Variants in OPCML observed in about 807,000 individuals in gnomAD.
The protein encoded by OPCML is opioid binding protein/cell adhesion molecule like, also known as opioid-binding protein/cell adhesion molecule.
OPCML carries 13 observed loss-of-function variants against 37.8 expected under a neutral mutation model. The observed-to-expected ratio is 0.34, with a 90% CI of 0.22 to 0.55. The LOEUF is 0.55. Ranked by LOEUF, OPCML falls within the 20% of genes least tolerant of loss-of-function variation. OPCML has a pLI of 0.91. For synonymous variants in OPCML, 176 were observed against 168.8 expected, an observed-to-expected ratio of 1.04 and a Z score of -0.33; for missense variants, 341 against 435.6, an observed-to-expected ratio of 0.78 and a Z score of 1.93.
At chr11:132,721,052 A>G (rs1482959279) in intron 2 of OPCML, among the ~76,000 whole-genome samples, 1 of 152,190 alleles carries the variant, frequency 6.6e-6, no homozygotes, top group Non-Finnish European at 1.5e-5. Flanking sequence ...TTCTCTTGAC[A>G]TTATCTCACA....
chr11:133,294,475 A>G (rs1164504972), intron 1 of OPCML, among the ~76,000 whole-genome samples: 1 of 152,134 alleles, frequency 6.6e-6, no homozygotes, highest in African/African-American at 2.4e-5. Context: ...CATAGGGTTA[A>G]AGGTCTCTTC....
chr11:133,486,558 C>T (rs570093675), intron 1 of OPCML, among the ~76,000 whole-genome samples: 250 of 152,230 alleles, frequency 1.6e-3, no homozygotes, highest in African/African-American at 5.8e-3. Context: ...TTCCTTTCCT[C>T]GACATCTATG....
intron 1 of OPCML, among the ~76,000 whole-genome samples, chr11:133,447,783 T>C (rs975953433): frequency 6.6e-6 from 1 of 152,246 alleles, no homozygotes; most frequent in Non-Finnish European, 1.5e-5. Flanking sequence ...GAGGGGCTCT[T>C]AGGTTGACTT....
chr11:133,182,542 C>T (rs1937883206), intron 1 of OPCML, among the ~76,000 whole-genome samples: 1 of 152,188 alleles, frequency 6.6e-6, no homozygotes, highest in Non-Finnish European at 1.5e-5. Context: ...GGATGCTCCA[C>T]TTAGAAGAAT....
chr11:133,291,676 C>T (rs151116520), intron 1 of OPCML, among the ~76,000 whole-genome samples: 9 of 152,216 alleles, frequency 5.9e-5, no homozygotes, highest in Non-Finnish European at 1.2e-4. Context: ...GGCTTATAGC[C>T]CTGGGGGAAG....
At chr11:133,249,014 G>A (rs955411586) in intron 1 of OPCML, among the ~76,000 whole-genome samples, 9 of 152,146 alleles carry the variant, frequency 5.9e-5, no homozygotes, top group Non-Finnish European at 1.0e-4. Flanking sequence ...AGCTGTTGCC[G>A]GTATAAAACC....
At chr11:133,199,676 T>C (rs1452142851) in intron 1 of OPCML, among the ~76,000 whole-genome samples, 3 of 152,198 alleles carry the variant, frequency 2.0e-5, no homozygotes, top group African/African-American at 7.2e-5. Flanking sequence ...GAATTATAGA[T>C]GTGATGACTA....
chr11:133,278,372 G>A (rs1452191902), intron 1 of OPCML, among the ~76,000 whole-genome samples: 1 of 152,050 alleles, frequency 6.6e-6, no homozygotes, highest in Non-Finnish European at 1.5e-5. Flanking sequence ...AAAAGCTTAA[G>A]GTTCTTTATA....
At chr11:132,661,744 A>G (rs1941985590) in intron 2 of OPCML, among the ~76,000 whole-genome samples, 1 of 152,234 alleles carries the variant, frequency 6.6e-6, no homozygotes, top group Non-Finnish European at 1.5e-5. Context: ...CAACTACATC[A>G]CAAGTAACCT....
intron 3 of OPCML, among the ~76,000 whole-genome samples, chr11:132,620,677 G>A (rs937296004): frequency 1.2e-4 from 19 of 152,178 alleles, no homozygotes; most frequent in African/African-American, 4.6e-4. Flanking sequence ...TAGAGAGAGT[G>A]TATGCCTTGG....
intron 2 of OPCML, among the ~76,000 whole-genome samples, chr11:132,793,153 G>T (rs963838108): frequency 2.0e-5 from 3 of 152,148 alleles, no homozygotes; most frequent in Admixed American, 2.0e-4. Context: ...AAGGGGGACC[G>T]ATGGGGATCT....
chr11:132,790,590 C>CA (rs1401355529), intron 2 of OPCML, among the ~76,000 whole-genome samples: 1 of 152,214 alleles, frequency 6.6e-6, no homozygotes, highest in East Asian at 1.9e-4. Context: ...AGTGACTGAG[C>CA]AGCGAGTGAT....
At chr11:132,555,338 G>A (rs1363657621) in intron 3 of OPCML, among the ~76,000 whole-genome samples, 1 of 152,092 alleles carries the variant, frequency 6.6e-6, no homozygotes, top group Admixed American at 6.5e-5. Flanking sequence ...CAGCAGGTGA[G>A]AGAGAATGAG....
chr11:132,458,438 G>T (rs1204253416), intron 4 of OPCML, among the ~76,000 whole-genome samples: 1 of 152,166 alleles, frequency 6.6e-6, no homozygotes, highest in African/African-American at 2.4e-5. Flanking sequence ...TTTTCAGCCT[G>T]TCTTGCATGA....
intron 1 of OPCML, among the ~76,000 whole-genome samples, chr11:133,046,492 T>G (rs982267355): frequency 1.3e-5 from 2 of 152,208 alleles, no homozygotes; most frequent in Non-Finnish European, 2.9e-5. Context: ...CCTTGTCCTC[T>G]GCTGATAGAC....
chr11:132,938,201 A>T (rs1945456773), intron 2 of OPCML, among the ~76,000 whole-genome samples: 1 of 152,154 alleles, frequency 6.6e-6, no homozygotes, highest in African/African-American at 2.4e-5. Context: ...AATCTTTAGT[A>T]TCCACCACAG....
intron 4 of OPCML, among the ~76,000 whole-genome samples, chr11:132,459,951 C>T (rs2096095383): frequency 6.6e-6 from 1 of 152,138 alleles, no homozygotes; most frequent in Non-Finnish European, 1.5e-5. Context: ...AAGAAAAGAT[C>T]TGCTAGATAC....
At chr11:133,418,497 T>C in intron 1 of OPCML, 1 of 984,346 alleles carries the variant, frequency 1.0e-6, no homozygotes, top group Non-Finnish European at 1.2e-6. Context: ...ATAATAGTCA[T>C]AAAACAGCCT....
intron 2 of OPCML, among the ~76,000 whole-genome samples, chr11:132,902,276 G>A (rs1440991957): frequency 6.6e-6 from 1 of 152,166 alleles, no homozygotes; most frequent in Non-Finnish European, 1.5e-5. Context: ...ATGGGGATGG[G>A]GCTCAAGTAG....
Sources: gnomAD v4.1 joint callset for allele counts (sites outside exome capture counted in the v4.1 genomes callset) on GRCh38, gnomAD v4.1.1 for gene constraint, MANE v1.5 for transcripts, NCBI Gene and HGNC (gene_info 2026-07-23, HGNC 2026-07-21) for gene names.